Variants in NCAM1 observed in about 807,000 individuals in gnomAD.
NCAM1 encodes the protein neural cell adhesion molecule 1, also known as antigen recognized by monoclonal antibody 5.1H11.
NCAM1 carries 14 observed loss-of-function variants against 109.8 expected under a neutral mutation model. That is an observed-to-expected ratio of 0.13 (90% CI 0.08 to 0.20). The LOEUF (loss-of-function observed/expected upper bound fraction) is 0.20, where lower values mean the gene tolerates loss of function less well. Among genes scored for constraint, NCAM1 ranks in the 10% least tolerant of loss-of-function variants. NCAM1 has a pLI of 1.00. For synonymous variants in NCAM1, 418 were observed against 442.9 expected, an observed-to-expected ratio of 0.94 and a Z score of 0.70; for missense variants, 774 against 1,109.9, an observed-to-expected ratio of 0.70 and a Z score of 4.30.
chr11:113,193,653 A>T (rs541465463), intron 1 of NCAM1, among the ~76,000 whole-genome samples: 1 of 151,502 alleles, frequency 6.6e-6, no homozygotes, highest in East Asian at 1.9e-4. Flanking sequence ...AAAAGAAAGG[A>T]AGAAAAAGAA....
chr11:113,208,126 CAGTTCCACCACCT>C, intron 7 of NCAM1, 124 bp downstream of exon 7: 1 of 1,136,692 alleles, frequency 8.8e-7, no homozygotes, highest in African/African-American at 1.5e-5. Context: ...CATTTCTTGC[CAGTTCCACCACCT>C]AGTCCAAGCC....
At position 113,207,834 on chromosome 11, in the gene NCAM1, G is replaced by T. The variant is rs782541098; in HGVS notation, c.748G>T (p.Asp250Tyr). 66 of 1,609,318 alleles carry T rather than the reference G, an allele frequency of 4.1e-5. No homozygotes were observed. Among genetic ancestry groups the T allele is most frequent in the Non-Finnish European group, 5.5e-5 (65 of 1,177,678 alleles). The change falls in exon 7 of 20, where the codon GAT (aspartate) becomes TAT (tyrosine). Residue 250 changes from aspartate (D) to tyrosine (Y), a missense_variant and splice_region_variant. Transcript: ENST00000316851. ...ACTTTGCATTTCTACATGCTCTAGG[G>T]ATGGGGAACAGATAGAGCAAGAGGA... ...FPEPTMSWTK[D>Y]GEQIEQEEDD...
intron 1 of NCAM1, among the ~76,000 whole-genome samples, chr11:113,190,891 C>T (rs1231295408): frequency 2.0e-5 from 3 of 152,190 alleles, no homozygotes; most frequent in African/African-American, 7.2e-5. Context: ...ACAGATGACC[C>T]CTTAAGGAGA....
At chr11:113,151,846 C>G (rs1942234514) in intron 1 of NCAM1, among the ~76,000 whole-genome samples, 1 of 152,210 alleles carries the variant, frequency 6.6e-6, no homozygotes, top group African/African-American at 2.4e-5. Context: ...CATCAGCTTA[C>G]CAATCCACTG....
At chr11:113,244,455 T>C (rs1945436608) in intron 14 of NCAM1, among the ~76,000 whole-genome samples, 1 of 152,170 alleles carries the variant, frequency 6.6e-6, no homozygotes, top group Non-Finnish European at 1.5e-5. Context: ...GATACTGAGA[T>C]AAAGGAAAGA....
At chr11:112,984,774 T>C (rs947989446) in intron 1 of NCAM1, among the ~76,000 whole-genome samples, 2 of 151,922 alleles carry the variant, frequency 1.3e-5, no homozygotes, top group Non-Finnish European at 2.9e-5. Flanking sequence ...TCAGTTTGTG[T>C]GTTCCTTATA....
Position 113,229,282 on chromosome 11 carries a change from C to T in NCAM1, c.1090-2363C>T, listed in dbSNP as rs183114942. On this transcript the variant is annotated intron_variant, in intron 9 of 19. Coordinates refer to ENST00000316851, the MANE Select transcript of NCAM1 (RefSeq NM_181351.5). ...TCAAAAAGTGGGCAAAGGATATGAA[C>T]GACACTTCTCAAAAGAAGATATTTA... is the stretch of plus-strand genomic sequence containing the variant. Among the ~76,000 whole-genome samples, 107 of 152,062 alleles carry T rather than the reference C, an allele frequency of 7.0e-4. 2 individuals carry two copies. The East Asian group carries it at 0.018, about 25-fold the overall frequency.
intron 1 of NCAM1, among the ~76,000 whole-genome samples, chr11:113,134,825 T>C (rs1160314349): frequency 6.6e-6 from 1 of 152,188 alleles, no homozygotes; most frequent in Non-Finnish European, 1.5e-5. Context: ...AGATTAGTCA[T>C]GAATTCAAAT....
intron 2 of NCAM1, among the ~76,000 whole-genome samples, chr11:113,203,034 A>G (rs1944117284): frequency 6.6e-6 from 1 of 152,196 alleles, no homozygotes; most frequent in Admixed American, 6.5e-5. Flanking sequence ...CTTGTTTTAC[A>G]TTTAGAAAAC....
chr11:113,148,657 G>A (rs563999828), intron 1 of NCAM1, among the ~76,000 whole-genome samples: 1 of 152,228 alleles, frequency 6.6e-6, no homozygotes, highest in South Asian at 2.1e-4. Context: ...ATCTTAGATT[G>A]AATTGATGCA....
At chr11:113,050,017 C>T (rs1953410398) in intron 1 of NCAM1, among the ~76,000 whole-genome samples, 1 of 151,224 alleles carries the variant, frequency 6.6e-6, no homozygotes, top group Admixed American at 6.6e-5. Flanking sequence ...CTGAAACAGA[C>T]ATTTGTCTCC....
chr11:113,026,625 G>T (rs1258140019), intron 1 of NCAM1, among the ~76,000 whole-genome samples: 5 of 152,280 alleles, frequency 3.3e-5, no homozygotes, highest in Middle Eastern at 6.8e-3. Context: ...AAATGTTCTT[G>T]TGTGGATAAA....
chr11:113,089,955 A>C (rs1939265398), intron 1 of NCAM1, among the ~76,000 whole-genome samples: 1 of 152,196 alleles, frequency 6.6e-6, no homozygotes, highest in African/African-American at 2.4e-5. Flanking sequence ...AGGAGAAAGA[A>C]ATTTTTCAGT....
At chr11:113,001,098 G>C (rs1951743519) in intron 1 of NCAM1, among the ~76,000 whole-genome samples, 1 of 152,094 alleles carries the variant, frequency 6.6e-6, no homozygotes, top group Non-Finnish European at 1.5e-5. Context: ...TCAGTTTTCA[G>C]AACAGCCATT....
chr11:113,247,815 C>G (rs529580198), intron 15 of NCAM1, among the ~76,000 whole-genome samples: 1 of 152,270 alleles, frequency 6.6e-6, no homozygotes, highest in East Asian at 1.9e-4. Context: ...TTAAGATTTT[C>G]TAAACTACAA....
chr11:113,013,423 T>C (rs1299009660), intron 1 of NCAM1, among the ~76,000 whole-genome samples: 2 of 58,918 alleles, frequency 3.4e-5, no homozygotes, highest in Non-Finnish European at 7.2e-5. Context: ...CAAGACTCTG[T>C]CTCAAAAAAA....
intron 1 of NCAM1, among the ~76,000 whole-genome samples, chr11:113,048,789 T>G (rs1555081279): frequency 6.6e-6 from 1 of 152,108 alleles, no homozygotes; most frequent in Non-Finnish European, 1.5e-5. Context: ...CCATGGAGAA[T>G]CAAATGAGAT....
At chr11:113,102,483 ATTCC>A (rs1181338879) in intron 1 of NCAM1, among the ~76,000 whole-genome samples, 1 of 152,116 alleles carries the variant, frequency 6.6e-6, no homozygotes, top group African/African-American at 2.4e-5. Flanking sequence ...TAGTCTTGCA[ATTCC>A]TTTAGCTGGC....
intron 1 of NCAM1, among the ~76,000 whole-genome samples, chr11:113,090,483 G>A (rs1285612932): frequency 1.3e-5 from 2 of 152,136 alleles, no homozygotes; most frequent in African/African-American, 2.4e-5. Context: ...GAACTTGTAG[G>A]GGATATATGC....
Sources: gnomAD v4.1 joint callset for allele counts (sites outside exome capture counted in the v4.1 genomes callset) on GRCh38, gnomAD v4.1.1 for gene constraint, MANE v1.5 for transcripts, NCBI Gene and HGNC (gene_info 2026-07-23, HGNC 2026-07-21) for gene names.